Variants in ZNF385D observed in about 807,000 individuals in gnomAD.
ZNF385D encodes zinc finger protein 385D, also known as zinc finger protein 659.
ZNF385D carries 15 observed loss-of-function variants against 35.8 expected under a neutral mutation model. The observed-to-expected ratio is 0.42, with a 90% CI of 0.28 to 0.64. The LOEUF is 0.64. ZNF385D is among the 30% of genes least tolerant of loss of function. The pLI, the probability that ZNF385D is intolerant of heterozygous loss-of-function variation, is 0.23. For synonymous variants in ZNF385D, 212 were observed against 186.8 expected (o/e 1.13, Z -1.10); for missense variants, 474 against 494.6 (o/e 0.96, Z 0.39).
intron 3 of ZNF385D, among the ~76,000 whole-genome samples, chr3:21,540,005 CTAACT>C (rs777282910): frequency 2.0e-5 from 3 of 152,028 alleles, no homozygotes; most frequent in Non-Finnish European, 4.4e-5. Context: ...AAACAAAAAC[CTAACT>C]TAAGAGACCA....
chr3:21,451,723 A>C (rs184561161), intron 4 of ZNF385D, among the ~76,000 whole-genome samples: 12 of 152,236 alleles, frequency 7.9e-5, no homozygotes, highest in African/African-American at 2.9e-4. Context: ...TAATCTTCAA[A>C]TAAATTTTGT....
chr3:21,806,949 T>C (rs570103104), intron 3 of ZNF385D, among the ~76,000 whole-genome samples: 1 of 152,352 alleles, frequency 6.6e-6, no homozygotes, highest in South Asian at 2.1e-4. Flanking sequence ...AGAAATTTCA[T>C]TGCCCATGGG....
At chr3:22,365,468 C>A (rs75722535) in intron 2 of ZNF385D, among the ~76,000 whole-genome samples, 5 of 151,950 alleles carry the variant, frequency 3.3e-5, no homozygotes, top group East Asian at 1.9e-4. Flanking sequence ...GGTCAGTCGA[C>A]GAGATGTTTA....
At chr3:22,295,908 CTG>C (rs1422782383) in intron 2 of ZNF385D, among the ~76,000 whole-genome samples, 3 of 152,002 alleles carry the variant, frequency 2.0e-5, no homozygotes, top group Non-Finnish European at 4.4e-5. Context: ...TTGAAAGAAA[CTG>C]AGATTTCTGA....
At chr3:22,210,785 G>T (rs1477981653) in intron 2 of ZNF385D, among the ~76,000 whole-genome samples, 1 of 151,702 alleles carries the variant, frequency 6.6e-6, no homozygotes, top group Non-Finnish European at 1.5e-5. Context: ...ACAAGAGCTT[G>T]TTCCCTCACC....
At chr3:21,821,446 G>A (rs973441568) in intron 3 of ZNF385D, among the ~76,000 whole-genome samples, 1 of 152,044 alleles carries the variant, frequency 6.6e-6, no homozygotes, top group Admixed American at 6.6e-5. Context: ...ACAAATACAT[G>A]ATACTTAGAA....
intron 1 of ZNF385D, among the ~76,000 whole-genome samples, chr3:21,724,315 T>G: frequency 6.6e-6 from 1 of 151,586 alleles, no homozygotes; most frequent in Non-Finnish European, 1.5e-5. Flanking sequence ...TAACCTTAAA[T>G]GTAACAGGGC....
intron 2 of ZNF385D, among the ~76,000 whole-genome samples, chr3:22,180,915 T>A (rs1268679221): frequency 2.1e-5 from 1 of 48,524 alleles, no homozygotes; most frequent in East Asian, 4.1e-4. Flanking sequence ...GCTTTTGTTC[T>A]TTTTTTTTTT....
At chr3:22,255,841 T>C (rs932487088) in intron 2 of ZNF385D, among the ~76,000 whole-genome samples, 9 of 151,688 alleles carry the variant, frequency 5.9e-5, no homozygotes, top group African/African-American at 2.2e-4. Context: ...TTGTGATGGT[T>C]AATACTGAGT....
At chr3:22,023,786 T>C (rs1411860922) in intron 3 of ZNF385D, among the ~76,000 whole-genome samples, 2 of 152,074 alleles carry the variant, frequency 1.3e-5, no homozygotes, top group Non-Finnish European at 1.5e-5. Context: ...CACTTTATTA[T>C]AGTCAAAGGC....
chr3:22,023,349 GGACT>G (rs1174534729), intron 3 of ZNF385D, among the ~76,000 whole-genome samples: 1 of 152,068 alleles, frequency 6.6e-6, no homozygotes, highest in African/African-American at 2.4e-5. Context: ...TCAAAGATCA[GGACT>G]GAGTAAACAT....
rs182247001 is a variant in ZNF385D at position 22,246,607 on chromosome 3, G to A, written c.107-77572C>T. Among the ~76,000 whole-genome samples, 518 of 152,248 alleles carry A rather than the reference G, an allele frequency of 3.4e-3. 3 individuals carry two copies. Among genetic ancestry groups the A allele is most frequent in the African/African-American group, 0.011 (471 of 41,570 alleles). ...GTTAACTTTATAAAATTTGATGTTAGTATCTCAATGGCTTGACATGTACAC... is the reference window on the plus strand; with the variant it reads ...GTTAACTTTATAAAATTTGATGTTAATATCTCAATGGCTTGACATGTACAC... On this transcript the variant is annotated intron_variant, in intron 2 of 5. Coordinates refer to the ZNF385D transcript ENST00000494108.
chr3:21,741,301 C>T (rs1030487724), intron 1 of ZNF385D, among the ~76,000 whole-genome samples: 1 of 152,148 alleles, frequency 6.6e-6, no homozygotes, highest in Non-Finnish European at 1.5e-5. Flanking sequence ...ATTTAGGATC[C>T]TACACAACTT....
At chr3:21,447,248 A>G (rs1025336632) in intron 4 of ZNF385D, among the ~76,000 whole-genome samples, 1 of 152,038 alleles carries the variant, frequency 6.6e-6, no homozygotes, top group African/African-American at 2.4e-5. Flanking sequence ...ACAAAAAGAA[A>G]CTCAATTTAC....
At chr3:21,756,017 A>G (rs1000267394), upstream of ZNF385D, among the ~76,000 whole-genome samples, 1 of 152,238 alleles carries the variant, frequency 6.6e-6, no homozygotes, top group Admixed American at 6.5e-5. Context: ...TTAGGCCATT[A>G]GAAATACTTT....
intron 3 of ZNF385D, among the ~76,000 whole-genome samples, chr3:21,868,627 C>T (rs1291307): frequency 0.85 from 129,851 of 152,108 alleles, 56,018 homozygotes; most frequent in South Asian, 0.92. Flanking sequence ...AGCTGAGACA[C>T]TGTGGGACAA....
chr3:21,429,942 GTTTA>G (rs1013269793), intron 5 of ZNF385D, among the ~76,000 whole-genome samples: 14 of 151,748 alleles, frequency 9.2e-5, no homozygotes, highest in African/African-American at 3.4e-4. Context: ...TTGCTAAGGT[GTTTA>G]TTTATGATAT....
intron 3 of ZNF385D, among the ~76,000 whole-genome samples, chr3:21,930,806 A>G (rs886799194): frequency 2.6e-5 from 4 of 152,144 alleles, no homozygotes; most frequent in Non-Finnish European, 5.9e-5. Context: ...CACACCATAC[A>G]TATAAAATAA....
chr3:21,895,824 C>G (rs1699106488), intron 3 of ZNF385D, among the ~76,000 whole-genome samples: 1 of 151,936 alleles, frequency 6.6e-6, no homozygotes, highest in Admixed American at 6.6e-5. Flanking sequence ...AATATGCAGG[C>G]AGTCAAGGGA....
Sources: allele counts gnomAD v4.1 joint callset (sites outside exome capture counted in the v4.1 genomes callset), GRCh38; gene constraint gnomAD v4.1.1; transcripts MANE v1.5; gene names NCBI Gene and HGNC (gene_info 2026-07-23, HGNC 2026-07-21).